KCTD8: variants seen among roughly 807,000 people sequenced by gnomAD.
KCTD8 encodes potassium channel tetramerization domain containing 8.
A neutral mutation model predicts 31.5 loss-of-function variants in KCTD8; 27 were observed. The ratio of observed to expected loss-of-function variants is 0.86; its 90% CI spans 0.63 to 1.18. KCTD8 has a LOEUF of 1.18. KCTD8 is among the 50% of genes most tolerant of loss of function. The pLI, the probability that KCTD8 is intolerant of heterozygous loss-of-function variation, is 0.00. For missense variants in KCTD8, 658 were observed against 647.7 expected, an observed-to-expected ratio of 1.02 and a Z score of -0.17; for synonymous variants, 290 against 280.0, an observed-to-expected ratio of 1.04 and a Z score of -0.36.
At chr4:44,188,913 G>A (rs563926011) in intron 1 of KCTD8, among the ~76,000 whole-genome samples, 13 of 152,236 alleles carry the variant, frequency 8.5e-5, no homozygotes, top group African/African-American at 2.9e-4. Flanking sequence ...GAGTCTGTGA[G>A]AGAATAAATT....
chr4:44,283,624 G>A (rs1716962683), intron 1 of KCTD8, among the ~76,000 whole-genome samples: 1 of 152,054 alleles, frequency 6.6e-6, no homozygotes. Context: ...TCTGTTTACA[G>A]CATGGTTTAC....
intron 1 of KCTD8, among the ~76,000 whole-genome samples, chr4:44,306,940 G>A (rs1717821665): frequency 6.6e-6 from 1 of 151,854 alleles, no homozygotes; most frequent in African/African-American, 2.4e-5. Flanking sequence ...CAGGGAGTCT[G>A]AAAAATCAAA....
At chr4:44,205,501 TA>T (rs1297130323) in intron 1 of KCTD8, among the ~76,000 whole-genome samples, 1 of 152,314 alleles carries the variant, frequency 6.6e-6, no homozygotes, top group Non-Finnish European at 1.5e-5. Flanking sequence ...ATATATGCAA[TA>T]AAACTATTAA....
intron 1 of KCTD8, among the ~76,000 whole-genome samples, chr4:44,266,673 G>T (rs9686039): frequency 0.54 from 79,149 of 147,772 alleles, 21,696 homozygotes; most frequent in African/African-American, 0.71. Context: ...GACACACATA[G>T]GCTCAAAATA....
At chr4:44,217,188 A>G (rs1242922945) in intron 1 of KCTD8, among the ~76,000 whole-genome samples, 2 of 152,328 alleles carry the variant, frequency 1.3e-5, no homozygotes, top group South Asian at 2.1e-4. Flanking sequence ...TATGGACTAC[A>G]GTAAAAATTA....
chr4:44,181,667 A>G (rs566560714), intron 1 of KCTD8, among the ~76,000 whole-genome samples: 2 of 151,494 alleles, frequency 1.3e-5, no homozygotes, highest in East Asian at 2.0e-4. Context: ...CCCGGCCGCC[A>G]CCCCGTCTGG....
intron 1 of KCTD8, among the ~76,000 whole-genome samples, chr4:44,429,939 A>T (rs1488171520): frequency 2.6e-5 from 4 of 151,678 alleles, no homozygotes; most frequent in Non-Finnish European, 5.9e-5. Flanking sequence ...GAAGATTAAT[A>T]AATTGCAATG....
At chr4:44,374,516 T>C (rs1441285621) in intron 1 of KCTD8, among the ~76,000 whole-genome samples, 1 of 152,214 alleles carries the variant, frequency 6.6e-6, no homozygotes, top group African/African-American at 2.4e-5. Flanking sequence ...TCAAGCTCTT[T>C]ATCTTTTCAT....
chr4:44,439,900 T>TTTTA (rs59211244), intron 1 of KCTD8, among the ~76,000 whole-genome samples: 7,299 of 133,044 alleles, frequency 0.055, 192 homozygotes, highest in Admixed American at 0.065. Context: ...AATCATTTAT[T>TTTTA]TTTATTTATT....
At chr4:44,337,705 A>G (rs1014779226) in intron 1 of KCTD8, among the ~76,000 whole-genome samples, 2 of 150,514 alleles carry the variant, frequency 1.3e-5, no homozygotes, top group South Asian at 2.1e-4. Context: ...ATATGTGTAT[A>G]TATATTTAGT....
chr4:44,180,501 C>T (rs1302052573), intron 1 of KCTD8, among the ~76,000 whole-genome samples: 2 of 152,090 alleles, frequency 1.3e-5, no homozygotes, highest in Non-Finnish European at 2.9e-5. Context: ...ATGGCAAGTA[C>T]AGTCTTAACT....
intron 1 of KCTD8, among the ~76,000 whole-genome samples, chr4:44,242,579 A>AAAAC (rs150893355): frequency 0.051 from 7,762 of 151,590 alleles, 680 homozygotes; most frequent in African/African-American, 0.18. Context: ...TTCCGTCTCA[A>AAAAC]AAACAAACAA....
At chr4:44,434,637 A>G (rs960691834) in intron 1 of KCTD8, among the ~76,000 whole-genome samples, 1 of 151,938 alleles carries the variant, frequency 6.6e-6, no homozygotes, top group African/African-American at 2.4e-5. Flanking sequence ...ATGAGCATGG[A>G]GAGCAAGTTG....
At chr4:44,185,596 G>A (rs1713561369) in intron 1 of KCTD8, among the ~76,000 whole-genome samples, 1 of 152,158 alleles carries the variant, frequency 6.6e-6, no homozygotes, top group Non-Finnish European at 1.5e-5. Flanking sequence ...TCTGGTGAAT[G>A]CCTCGCTCTA....
At chr4:44,253,610 T>A (rs1715905693) in intron 1 of KCTD8, among the ~76,000 whole-genome samples, 1 of 151,704 alleles carries the variant, frequency 6.6e-6, no homozygotes, top group African/African-American at 2.4e-5. Flanking sequence ...GAAGCCACCT[T>A]CATGGCAAGC....
chr4:44,177,797 G>T (rs1352649570), intron 1 of KCTD8, among the ~76,000 whole-genome samples: 1 of 152,072 alleles, frequency 6.6e-6, no homozygotes, highest in Admixed American at 6.5e-5. Context: ...GACTAATACA[G>T]GTTTTAACCA....
At chr4:44,339,719 A>C (rs1322533048) in intron 1 of KCTD8, among the ~76,000 whole-genome samples, 3 of 152,180 alleles carry the variant, frequency 2.0e-5, no homozygotes, top group African/African-American at 7.2e-5. Flanking sequence ...TGCTACAAAA[A>C]AAATTGAGAA....
intron 1 of KCTD8, among the ~76,000 whole-genome samples, chr4:44,404,804 T>A (rs927696392): frequency 6.6e-6 from 1 of 152,196 alleles, no homozygotes; most frequent in African/African-American, 2.4e-5. Context: ...TAAAATCGTA[T>A]AAAAGTAATG....
intron 1 of KCTD8, among the ~76,000 whole-genome samples, chr4:44,176,794 T>C (rs1271480669): frequency 3.9e-5 from 6 of 152,142 alleles, no homozygotes; most frequent in Admixed American, 1.3e-4. Context: ...AAATTATACC[T>C]TGACTAACCT....
Sources: gnomAD v4.1 joint callset for allele counts (sites outside exome capture counted in the v4.1 genomes callset) on GRCh38, gnomAD v4.1.1 for gene constraint, MANE v1.5 for transcripts, NCBI Gene and HGNC (gene_info 2026-07-23, HGNC 2026-07-21) for gene names.